The following GPT variants were observed in gnomAD, a reference collection of about 807,000 sequenced individuals.
GPT encodes the protein alanine aminotransferase 1.
Under a neutral mutation model 51.4 loss-of-function variants are expected in GPT, and 60 were observed. That is an observed-to-expected ratio of 1.17 (90% CI 0.95 to 1.45). GPT has a LOEUF of 1.45. GPT is among the 40% of genes most tolerant of loss of function. The pLI is 0.00. For missense variants in GPT, 853 were observed against 704.0 expected, an observed-to-expected ratio of 1.21 and a Z score of -2.40; for synonymous variants, 397 against 303.1, an observed-to-expected ratio of 1.31 and a Z score of -3.22.
At position 144,506,562 on chromosome 8, in the gene GPT, A is replaced by G. The variant is rs200853809; in HGVS notation, c.1193A>G (p.Asn398Ser). 152 of 1,586,270 alleles carry G rather than the reference A, an allele frequency of 9.6e-5. No individual in the cohort carries two copies. Among genetic ancestry groups the G allele is most frequent in the East Asian group, 1.8e-4 (8 of 43,814 alleles). ...GCCAAGCTCACCGAGCAGGTCTTCA[A>G]TGAGGCTCCTGGCATCAGCTGCAAC... is the stretch of plus-strand genomic sequence containing the variant. Reference protein sequence around the residue: ...AKAKLTEQVFNEAPGISCNPV... With the variant: ...AKAKLTEQVFSEAPGISCNPV... The change falls in exon 9 of 11, where the codon AAT becomes AGT. Residue 398 changes from asparagine (N) to serine (S), a missense_variant. Physicochemically the swap from Asn to Ser is conservative, Grantham distance 46 (BLOSUM62 1). Coordinates refer to ENST00000394955, the MANE Select transcript of GPT (RefSeq NM_005309.3). The surrounding 1 kb of genome is among the most constrained non-coding windows in gnomAD (Gnocchi z 7.0).
chr8:144,504,547 A>C, intron 1 of GPT, 57 bp from the exon 2 acceptor site: 3 of 1,609,216 alleles, frequency 1.9e-6, no homozygotes, highest in Non-Finnish European at 2.5e-6. Flanking sequence ...CACATGGGAC[A>C]AGGGCTGAGG....
chr8:144,506,172 C>G lies in GPT; in HGVS notation c.956+41C>G. 1.2e-6 allele frequency: 2 copies of G among 1,603,776 alleles called. No individual in the cohort carries two copies. Among genetic ancestry groups the G allele is most frequent in the Non-Finnish European group, 1.7e-6 (2 of 1,175,948 alleles). ...GCGGGTGGGGGCTCGCGGGCCATGG[C>G]CAGGCCCTCCTCGCCCGATGGGCCA... is the stretch of plus-strand genomic sequence containing the variant. On this transcript the variant is annotated intron_variant, in intron 7 of 10. Transcript: ENST00000394955. The surrounding 1 kb of genome is among the most constrained non-coding windows in gnomAD (Gnocchi z 7.0).
At chr8:144,504,034 C>T, upstream of GPT, 1 of 546,420 alleles carries the variant, frequency 1.8e-6, no homozygotes, top group South Asian at 2.0e-5. Flanking sequence ...CAAGCCCCGC[C>T]TGCCACCTCA....
chr8:144,505,385 G>T lies in GPT; in HGVS notation c.635G>T (p.Arg212Leu). The change falls in exon 5 of 11, where the codon CGT becomes CTT. Residue 212 changes from arginine to leucine, a missense_variant. By Grantham distance (102) the Arg-to-Leu change is moderately radical. Coordinates refer to ENST00000394955, the MANE Select transcript of GPT (RefSeq NM_005309.3). ...GTGGATTACTACCTGGACGAGGAGC[G>T]TGCCTGGGCGCTGGACGTGGCCGAG... Reference protein sequence around the residue: ...VQVDYYLDEERAWALDVAELH... With the variant: ...VQVDYYLDEELAWALDVAELH... 6.3e-7 allele frequency: 1 copy of T among 1,593,200 alleles called. No individual in the cohort carries two copies. The highest frequency in any genetic ancestry group is 8.5e-7 in the Non-Finnish European group (1 of 1,171,212).
chr8:144,504,300 GA>G lies in GPT; in HGVS notation c.-4del. On this transcript the variant is annotated 5_prime_UTR_variant, in exon 1 of 11. Coordinates refer to ENST00000394955, the MANE Select transcript of GPT (RefSeq NM_005309.3). The stretch of plus-strand genomic sequence containing the variant: ...GCTGCCTTCCCGCCTGGTCTGGGTA[GA>G]GTCATGGCCTCGAGCACAGGTGACC... 6.2e-7 allele frequency: 1 copy of G among 1,607,700 alleles called. No individual in the cohort carries two copies. Among genetic ancestry groups the G allele is most frequent in the African/African-American group, 1.3e-5 (1 of 75,066 alleles).
At position 144,504,646 on chromosome 8, in the gene GPT, G is replaced by A. The variant is rs763154411; in HGVS notation, c.205G>A (p.Gly69Arg). 12 of 1,613,170 alleles carry A rather than the reference G, an allele frequency of 7.4e-6. No homozygotes were observed. The highest frequency in any genetic ancestry group is 2.7e-5 in the African/African-American group (2 of 74,924). Residue 69 changes from glycine (G) to arginine (R), a missense_variant, in exon 2 of 11, where the codon GGG becomes AGG. By Grantham distance (125) the Gly-to-Arg change is moderately radical (BLOSUM62 -2). Transcript: ENST00000394955. ...CACCGAGGTCATCCGTGCCAACATC[G>A]GGGACGCACAGGCTATGGGGCAGAG... Reference protein sequence around the residue: ...PFTEVIRANIGDAQAMGQRPI... With the variant: ...PFTEVIRANIRDAQAMGQRPI...
In GPT at chr8:144,504,438, C is replaced by A. The variant is rs774265869; in HGVS notation, c.134C>A (p.Ala45Asp). 8.7e-6 allele frequency: 14 copies of A among 1,610,442 alleles called. No individual in the cohort carries two copies. The highest frequency in any genetic ancestry group is 1.2e-5 in the Non-Finnish European group (14 of 1,179,874). Reference sequence around the variant, plus strand: ...GTGCGTGGCCCCATAGTGCAGCGAGCCTTGGAGCTGGAGCAGGAGCTGCGC... The same window carrying A: ...GTGCGTGGCCCCATAGTGCAGCGAGACTTGGAGCTGGAGCAGGAGCTGCGC... ...YAVRGPIVQR[A>D]LELEQELRQG... Residue 45 changes from alanine (A) to aspartate (D), a missense_variant, in exon 1 of 11, where the codon GCC becomes GAC. Ala to Asp is a moderately radical substitution (Grantham distance 126). Transcript: ENST00000394955.
chr8:144,504,095 G>A (rs562529660), upstream of GPT: 13 of 619,612 alleles, frequency 2.1e-5, no homozygotes, highest in East Asian at 1.7e-4. Flanking sequence ...CGGGTGGGGC[G>A]GGGCCCAACT....
In GPT at chr8:144,504,284, C is replaced by A; in HGVS notation, c.-21C>A. 6.2e-7 allele frequency: 1 copy of A among 1,604,712 alleles called. No individual in the cohort carries two copies. On this transcript the variant is annotated 5_prime_UTR_variant, in exon 1 of 11. Coordinates refer to ENST00000394955, the MANE Select transcript of GPT (RefSeq NM_005309.3). Reference sequence around the variant, plus strand: ...TCCTGCCACCTCCTGAGCTGCCTTCCCGCCTGGTCTGGGTAGAGTCATGGC... The same window carrying A: ...TCCTGCCACCTCCTGAGCTGCCTTCACGCCTGGTCTGGGTAGAGTCATGGC...
In GPT at chr8:144,505,027, C is replaced by A. The variant is rs1826716326; in HGVS notation, c.391C>A (p.Leu131Met). 1 of 1,613,168 alleles carries A rather than the reference C, an allele frequency of 6.2e-7. No individual in the cohort carries two copies. The highest frequency in any genetic ancestry group is 2.2e-5 in the East Asian group (1 of 44,894). ...CTACAGCGTCAGCTCCGGCATCCAG[C>A]TGATCCGGGAGGACGTGGCGCGGTA... ...GAYSVSSGIQ[L>M]IREDVARYIE... Residue 131 changes from leucine (L) to methionine (M), a missense_variant, in exon 4 of 11, where the codon CTG becomes ATG. Transcript: ENST00000394955.
At position 144,504,998 on chromosome 8, in the gene GPT, G is replaced by C; in HGVS notation, c.362G>C (p.Gly121Ala). The C allele has an allele frequency of 6.2e-7, 1 of 1,613,068 alleles. No individual in the cohort carries two copies. The highest frequency in any genetic ancestry group is 8.5e-7 in the Non-Finnish European group (1 of 1,179,996). The change falls in exon 4 of 11, where the codon GGG becomes GCG. Residue 121 changes from glycine (G) to alanine (A), a missense_variant and splice_region_variant. Transcript: ENST00000394955. The stretch of plus-strand genomic sequence containing the variant: ...CCCATCCTGTCCTGCCCGAGTCCAG[G>C]GGCCTACAGCGTCAGCTCCGGCATC... ...ILQACGGHSL[G>A]AYSVSSGIQL...
In GPT at chr8:144,505,226, C is replaced by T. The variant is rs1262604314; in HGVS notation, c.496-20C>T. 1.6e-5 allele frequency: 26 copies of T among 1,610,620 alleles called. No homozygotes were observed. Among genetic ancestry groups the T allele is most frequent in the Non-Finnish European group, 1.9e-5 (22 of 1,179,020 alleles). On this transcript the variant is annotated intron_variant, in intron 4 of 10. Coordinates refer to ENST00000394955, the MANE Select transcript of GPT (RefSeq NM_005309.3). ...CGGCCCCAGGCCTCGCCAACCCTGC[C>T]TTCCCCTTCCTTTCCGCAGACGGTG...
In GPT at chr8:144,504,655, C is replaced by G; in HGVS notation, c.214C>G (p.Gln72Glu). The G allele has an allele frequency of 2.5e-6, 4 of 1,613,358 alleles. No individual in the cohort carries two copies. Among genetic ancestry groups the G allele is most frequent in the Non-Finnish European group, 3.4e-6 (4 of 1,180,018 alleles). Reference protein sequence around the residue: ...EVIRANIGDAQAMGQRPITFL... With the variant: ...EVIRANIGDAEAMGQRPITFL... ...CATCCGTGCCAACATCGGGGACGCACAGGCTATGGGGCAGAGGCCCATCAC... is the reference window on the plus strand; with the variant it reads ...CATCCGTGCCAACATCGGGGACGCAGAGGCTATGGGGCAGAGGCCCATCAC... Residue 72 changes from glutamine to glutamate, a missense_variant, in exon 2 of 11, where the codon CAG (glutamine) becomes GAG (glutamate). By Grantham distance (29) the Gln-to-Glu change is conservative. Coordinates refer to ENST00000394955, the MANE Select transcript of GPT (RefSeq NM_005309.3).
chr8:144,504,342 G>A lies in GPT; in HGVS notation c.38G>A (p.Arg13Lys), dbSNP rs775813325. ...ACAGGTGACCGGAGCCAGGCGGTGA[G>A]GCATGGACTGAGGGCGAAGGTGCTG... ...SSTGDRSQAV[R>K]HGLRAKVLTL... is the part of the protein sequence containing the mutation. Residue 13 changes from arginine to lysine, a missense_variant, in exon 1 of 11, where the codon AGG becomes AAG. Arg to Lys is a conservative substitution (Grantham distance 26). Transcript: ENST00000394955. 1 of 1,611,016 alleles carries A rather than the reference G, an allele frequency of 6.2e-7. No individual in the cohort carries two copies. Among genetic ancestry groups the A allele is most frequent in the South Asian group, 1.1e-5 (1 of 91,088 alleles).
rs1032892266 is a variant in GPT at position 144,504,892 on chromosome 8, G to A, written c.361+13G>A. 3 of 1,612,998 alleles carry A rather than the reference G, an allele frequency of 1.9e-6. No homozygotes were observed. The highest frequency in any genetic ancestry group is 2.5e-6 in the Non-Finnish European group (3 of 1,179,930). On this transcript the variant is annotated intron_variant, in intron 3 of 10. Coordinates refer to ENST00000394955, the MANE Select transcript of GPT (RefSeq NM_005309.3). ...GGCCACAGTCTGGGTGAGAGCCAGG[G>A]CCAGGAGGAAGCAGAGGGCCGCCCT...
In GPT at chr8:144,505,898, G is replaced by C. The variant is rs1586774312; in HGVS notation, c.790G>C (p.Glu264Gln). Residue 264 changes from glutamate to glutamine, a missense_variant, in exon 6 of 11, where the codon GAA (glutamate) becomes CAA (glutamine). Transcript: ENST00000394955. ...CIEAVIRFAF[E>Q]ERLFLLADEV... is the part of the protein sequence containing the mutation. ...CGAGGCCGTGATCCGCTTCGCCTTC[G>C]AAGAGCGGCTCTTTCTGCTGGCGGA... is the stretch of plus-strand genomic sequence containing the variant. The C allele has an allele frequency of 1.3e-6, 2 of 1,596,936 alleles. No homozygotes were observed. The highest frequency in any genetic ancestry group is 1.1e-5 in the South Asian group (1 of 89,470).
At position 144,504,164 on chromosome 8, in the gene GPT, G is replaced by A. The variant is rs755965358; in HGVS notation, c.-141G>A. Reference sequence around the variant, plus strand: ...CAGTGAGGCCAGCTGCGGTGAAGAGGGTGCTCTCTTGCCTGGAGTTCCCTC... The same window carrying A: ...CAGTGAGGCCAGCTGCGGTGAAGAGAGTGCTCTCTTGCCTGGAGTTCCCTC... On this transcript the variant is annotated 5_prime_UTR_variant, in exon 1 of 11. Transcript: ENST00000394955. 8.2e-6 allele frequency: 7 copies of A among 851,030 alleles called. No homozygotes were observed. Among genetic ancestry groups the A allele is most frequent in the South Asian group, 3.0e-5 (2 of 67,296 alleles). 52.7% of individuals were successfully genotyped at this position (851,030 alleles called of 1,614,324 possible).
chr8:144,506,181 C>A lies in GPT; in HGVS notation c.956+50C>A, dbSNP rs1453875949. 6.2e-7 allele frequency: 1 copy of A among 1,602,410 alleles called. No homozygotes were observed. The highest frequency in any genetic ancestry group is 8.5e-7 in the Non-Finnish European group (1 of 1,175,568). On this transcript the variant is annotated intron_variant, in intron 7 of 10. Transcript: ENST00000394955. The surrounding 1 kb of genome is among the most constrained non-coding windows in gnomAD (Gnocchi z 7.0). ...GGCTCGCGGGCCATGGCCAGGCCCT[C>A]CTCGCCCGATGGGCCACCCCCTCCT...
Position 144,504,894 on chromosome 8 carries a change from C to T in GPT, c.361+15C>T, listed in dbSNP as rs761438660. ...CCACAGTCTGGGTGAGAGCCAGGGC[C>T]AGGAGGAAGCAGAGGGCCGCCCTGC... On this transcript the variant is annotated intron_variant, in intron 3 of 10. Transcript: ENST00000394955. 2 of 1,612,778 alleles carry T rather than the reference C, an allele frequency of 1.2e-6. No homozygotes were observed. The highest frequency in any genetic ancestry group is 1.6e-4 in the Middle Eastern group (1 of 6,084).
Sources: allele counts gnomAD v4.1 joint callset, GRCh38; gene constraint gnomAD v4.1.1; non-coding constraint Gnocchi (gnomAD v3.1); transcripts MANE v1.5; gene names NCBI Gene and HGNC (gene_info 2026-07-23, HGNC 2026-07-21).